The following KCNH7 variants were observed in gnomAD, a reference collection of about 807,000 sequenced individuals.
KCNH7 encodes the protein potassium voltage-gated channel subfamily H member 7.
KCNH7 carries 49 observed loss-of-function variants against 120.8 expected under a neutral mutation model. That is an observed-to-expected ratio of 0.41 (90% CI 0.32 to 0.51). The LOEUF is 0.51. KCNH7 is among the 20% of genes least tolerant of loss of function. The probability of loss-of-function intolerance (pLI) is 0.38; values close to 1 mark genes in which losing one functional copy is unlikely to be tolerated. For missense variants in KCNH7, 1,097 were observed against 1,446.6 expected, an observed-to-expected ratio of 0.76 and a Z score of 3.92; for synonymous variants, 547 against 516.1, an observed-to-expected ratio of 1.06 and a Z score of -0.81.
At chr2:162,510,950 G>A (rs1238127346) in intron 5 of KCNH7, among the ~76,000 whole-genome samples, 1 of 151,536 alleles carries the variant, frequency 6.6e-6, no homozygotes, top group Non-Finnish European at 1.5e-5. Context: ...TCCAATTTGG[G>A]GATATAACTT....
intron 2 of KCNH7, among the ~76,000 whole-genome samples, chr2:162,667,680 A>C (rs767794607): frequency 3.3e-5 from 5 of 152,164 alleles, no homozygotes; most frequent in Admixed American, 6.5e-5. Flanking sequence ...TTAATTCTTC[A>C]GATCTACTGG....
intron 2 of KCNH7, among the ~76,000 whole-genome samples, chr2:162,620,641 CA>C (rs1559048468): frequency 6.6e-6 from 1 of 152,088 alleles, no homozygotes; most frequent in Non-Finnish European, 1.5e-5. Context: ...TATTGTAAAT[CA>C]TTTTTAAATT....
At chr2:162,634,769 A>G (rs779992307) in intron 2 of KCNH7, among the ~76,000 whole-genome samples, 1 of 152,064 alleles carries the variant, frequency 6.6e-6, no homozygotes. Flanking sequence ...ATGAAAGTCA[A>G]TAAGAAAAAG....
Position 162,836,544 on chromosome 2 carries a change from G to C in KCNH7, c.300C>G (p.His100Gln). The change falls in exon 2 of 16, where the codon CAC (histidine) becomes CAG (glutamine). Residue 100 changes from histidine (H) to glutamine (Q), a missense_variant. Physicochemically the swap from His to Gln is conservative, Grantham distance 24 (BLOSUM62 0). This residue lies in a region of KCNH7 where 362 missense variants were observed against 372.2 expected (regional missense o/e 0.97). Coordinates refer to ENST00000332142, the MANE Select transcript of KCNH7 (RefSeq NM_033272.4). ...EERKVEVTYY[H>Q]KNGSTFICNT... The stretch of plus-strand genomic sequence containing the variant: ...TAAATAGAGGAATTTTACCATTTTT[G>C]TGATAGTAGGTGACCTCCACTTTCC... 1 of 1,611,582 alleles carries C rather than the reference G, an allele frequency of 6.2e-7. No individual in the cohort carries two copies. The highest frequency in any genetic ancestry group is 2.2e-5 in the East Asian group (1 of 44,834).
At chr2:162,584,328 G>C (rs1341191967) in intron 2 of KCNH7, among the ~76,000 whole-genome samples, 1 of 151,990 alleles carries the variant, frequency 6.6e-6, no homozygotes, top group East Asian at 1.9e-4. Flanking sequence ...TTTATTCGCA[G>C]TTTCAATATG....
chr2:162,414,860 A>C (rs1167727239), intron 9 of KCNH7, among the ~76,000 whole-genome samples: 2 of 152,076 alleles, frequency 1.3e-5, no homozygotes, highest in Non-Finnish European at 2.9e-5. Flanking sequence ...TTTTTATCTA[A>C]GGAATGCAAG....
chr2:162,543,284 G>GCA (rs58051214), intron 2 of KCNH7, among the ~76,000 whole-genome samples: 266 of 149,098 alleles, frequency 1.8e-3, no homozygotes, highest in South Asian at 5.1e-3. Context: ...ACACACATAC[G>GCA]CACACACACA....
intron 6 of KCNH7, among the ~76,000 whole-genome samples, chr2:162,499,875 C>T (rs1457235190): frequency 1.3e-5 from 2 of 152,160 alleles, no homozygotes; most frequent in East Asian, 3.9e-4. Flanking sequence ...AAACTTCTCA[C>T]CTTCAAAACG....
intron 2 of KCNH7, among the ~76,000 whole-genome samples, chr2:162,732,661 G>C (rs982495222): frequency 6.6e-6 from 1 of 152,116 alleles, no homozygotes; most frequent in Non-Finnish European, 1.5e-5. Context: ...ATCCTCATTT[G>C]TAATAGTAAA....
chr2:162,455,944 T>C (rs1208899565), intron 6 of KCNH7, among the ~76,000 whole-genome samples: 1 of 152,176 alleles, frequency 6.6e-6, no homozygotes, highest in Non-Finnish European at 1.5e-5. Flanking sequence ...CCTTCAGTTC[T>C]GTTCTTATCT....
In KCNH7 at chr2:162,435,568, A is replaced by T; in HGVS notation, c.1584T>A (p.Thr528=). 6.2e-7 allele frequency: 1 copy of T among 1,602,214 alleles called. No homozygotes were observed. Among genetic ancestry groups the T allele is most frequent in the Non-Finnish European group, 8.5e-7 (1 of 1,173,612 alleles). ...CGCGCACAAGACGGAGGAGTCGGGC[A>T]GTCTTCAAAAGACCAATTAATGTTG... ...ETTTLIGLLK[T]ARLLRLVRVA... is the part of the protein sequence containing the mutation. Residue 528 remains threonine, a synonymous_variant, in exon 8 of 16, where the codon ACT becomes ACA. Transcript: ENST00000332142.
chr2:162,745,680 G>A (rs1347472166), intron 2 of KCNH7, among the ~76,000 whole-genome samples: 1 of 151,956 alleles, frequency 6.6e-6, no homozygotes, highest in Non-Finnish European at 1.5e-5. Flanking sequence ...ATATATGGCA[G>A]TATACCACTT....
chr2:162,779,264 A>C (rs1683383868), intron 2 of KCNH7, among the ~76,000 whole-genome samples: 1 of 151,902 alleles, frequency 6.6e-6, no homozygotes, highest in African/African-American at 2.4e-5. Context: ...ACAGTGGCGT[A>C]ATCTCGGCTC....
chr2:162,752,298 C>T (rs1688577750), intron 2 of KCNH7, among the ~76,000 whole-genome samples: 1 of 152,020 alleles, frequency 6.6e-6, no homozygotes. Flanking sequence ...CACTTTGTTG[C>T]CAATAGAAAA....
rs1049710255 is a variant in KCNH7 at position 162,624,899 on chromosome 2, T to G, written c.308-87819A>C. ...AAACGTGCACTCTTGGTTTTTTTTT[T>G]TTTTTTTTTTTTTTTGAGATGGAGT... On this transcript the variant is annotated intron_variant, in intron 2 of 15. Transcript: ENST00000332142. 2.0e-4 allele frequency among the ~76,000 whole-genome samples: 28 copies of G among 140,464 alleles called. No individual in the cohort carries two copies. In the East Asian group the frequency reaches 5.3e-3, roughly 26 times the overall value. 92.1% of individuals were successfully genotyped at this position (140,464 alleles called of 152,430 possible). A position where few individuals can be genotyped will look rare whatever the true frequency, so the allele number is the denominator to read the frequency against.
At chr2:162,733,053 A>G in intron 2 of KCNH7, among the ~76,000 whole-genome samples, 1 of 152,204 alleles carries the variant, frequency 6.6e-6, no homozygotes, top group East Asian at 1.9e-4. Context: ...CAGACCTGAT[A>G]TAAATTCTTA....
intron 2 of KCNH7, among the ~76,000 whole-genome samples, chr2:162,808,469 G>A (rs1033281621): frequency 5.9e-5 from 9 of 152,168 alleles, no homozygotes; most frequent in Admixed American, 2.6e-4. Context: ...AGAAGAAAGC[G>A]TTACTTTTGA....
chr2:162,373,680 G>A lies in KCNH7; in HGVS notation c.3132-18C>T. The A allele has an allele frequency of 7.0e-7, 1 of 1,434,118 alleles. No individual in the cohort carries two copies. Among genetic ancestry groups the A allele is most frequent in the Non-Finnish European group, 9.2e-7 (1 of 1,087,544 alleles). 88.8% of individuals were successfully genotyped at this position (1,434,118 alleles called of 1,614,324 possible). On this transcript the variant is annotated intron_variant, in intron 14 of 15. Transcript: ENST00000332142. ...ATTCAAGCCTACAGAACAGACAGAA[G>A]TAGGAAAAGACAGTCTAAAATAGTC...
chr2:162,805,006 T>C (rs184363855), intron 2 of KCNH7, among the ~76,000 whole-genome samples: 24 of 152,084 alleles, frequency 1.6e-4, no homozygotes, highest in Admixed American at 4.6e-4. Flanking sequence ...ATTTAATAAA[T>C]GGTGCTGGGA....
Sources: gnomAD v4.1 joint callset for allele counts (sites outside exome capture counted in the v4.1 genomes callset) on GRCh38, gnomAD v4.1.1 for gene constraint, gnomAD v4.1.1 regional missense constraint, MANE v1.5 for transcripts, NCBI Gene and HGNC (gene_info 2026-07-23, HGNC 2026-07-21) for gene names.